SYT14: variants seen among roughly 807,000 people sequenced by gnomAD.
SYT14 encodes synaptotagmin 14.
A neutral mutation model predicts 74.2 loss-of-function variants in SYT14; 32 were observed. The observed-to-expected ratio is 0.43, with a 90% confidence interval of 0.33 to 0.58. SYT14 has a LOEUF of 0.58. Among genes scored for constraint, SYT14 ranks in the 20% least tolerant of loss-of-function variants. The probability of loss-of-function intolerance (pLI) is 0.05; values close to 1 mark genes in which losing one functional copy is unlikely to be tolerated. For missense variants in SYT14, 791 were observed against 981.8 expected (o/e 0.81, Z 2.60); for synonymous variants, 298 against 337.7 (o/e 0.88, Z 1.29).
At chr1:210,159,526 A>G (rs777871823) in intron 9 of SYT14, 49 bp downstream of exon 8, 1 of 1,506,292 alleles carries the variant, frequency 6.6e-7, no homozygotes, top group Non-Finnish European at 9.0e-7. Flanking sequence ...ATGCAAAACC[A>G]AAATACCCTA....
chr1:210,084,239 G>T (rs1463351072), intron 5 of SYT14, among the ~76,000 whole-genome samples: 1 of 152,122 alleles, frequency 6.6e-6, no homozygotes, highest in East Asian at 1.9e-4. Context: ...CTTATAAATG[G>T]ATAAGAGCTA....
chr1:210,024,088 A>G (rs1213184823), intron 5 of SYT14, among the ~76,000 whole-genome samples: 2 of 152,184 alleles, frequency 1.3e-5, no homozygotes, highest in African/African-American at 4.8e-5. Context: ...CTATACATAT[A>G]CATCTGAGGG....
chr1:210,059,451 T>TATATAGAGAG lies in SYT14; in HGVS notation c.1313-34870_1313-34869insTATAGAGAGA, dbSNP rs377050610. Among the ~76,000 whole-genome samples the TATATAGAGAG allele has an allele frequency of 4.5e-3, 312 of 69,882 alleles. 1 individual carries two copies. The highest frequency in any genetic ancestry group is 0.012 in the African/African-American group (152 of 12,734). The allele number at this position is 69,882 out of a possible 152,430, so 45.8% of individuals were successfully genotyped here. A position where few individuals can be genotyped will look rare whatever the true frequency, so the allele number is the denominator to read the frequency against. The stretch of plus-strand genomic sequence containing the variant: ...GAATATATATATATATATATATATA[T>TATATAGAGAG]AGAGAGAGAGAGAGAGAGAGAGAGA... On this transcript the variant is annotated intron_variant, in intron 5 of 9. Transcript: ENST00000637265.
At chr1:209,939,687 C>G (rs1172935436) in intron 1 of SYT14, among the ~76,000 whole-genome samples, 1 of 152,184 alleles carries the variant, frequency 6.6e-6, no homozygotes. Flanking sequence ...TTTATTTTCC[C>G]AACTAGTTTG....
intron 5 of SYT14, among the ~76,000 whole-genome samples, chr1:210,053,691 A>G (rs1000672905): frequency 6.6e-6 from 1 of 152,186 alleles, no homozygotes; most frequent in Non-Finnish European, 1.5e-5. Flanking sequence ...CTATAGTTTG[A>G]GTGCTTACAT....
chr1:210,012,505 A>G lies in SYT14; in HGVS notation c.-485-1128A>G, dbSNP rs2080104070. Reference sequence around the variant, plus strand: ...GTGGTATTGAATATTGCGGATTCTGAGGCAATGAGTATAACATTTGACTGG... The same window carrying G: ...GTGGTATTGAATATTGCGGATTCTGGGGCAATGAGTATAACATTTGACTGG... On this transcript the variant is annotated intron_variant, in intron 2 of 9. Coordinates refer to ENST00000637265, the Ensembl canonical transcript of SYT14. Among the ~76,000 whole-genome samples the G allele has an allele frequency of 2.6e-5, 4 of 152,186 alleles. No individual in the cohort carries two copies. The South Asian group carries it at 8.3e-4, about 32-fold the overall frequency.
intron 2 of SYT14, among the ~76,000 whole-genome samples, chr1:209,963,620 T>C (rs2079110380): frequency 6.6e-6 from 1 of 152,210 alleles, no homozygotes. Flanking sequence ...AAAAAATATC[T>C]ACAGAGGACA....
chr1:210,110,104 C>T lies in SYT14; in HGVS notation c.2034+9643C>T, dbSNP rs150952030. Among the ~76,000 whole-genome samples, 298 of 152,158 alleles carry T rather than the reference C, an allele frequency of 2.0e-3. 2 individuals are homozygous for T. The highest frequency in any genetic ancestry group is 6.4e-3 in the African/African-American group (267 of 41,506). The stretch of plus-strand genomic sequence containing the variant: ...GACACAGGGAGGGGAACATCACACA[C>T]CGAGGCCTGTCAGGGGATTGAGGGT... On this transcript the variant is annotated intron_variant, in intron 7 of 9. Transcript: ENST00000637265.
At chr1:210,115,753 G>T (rs1233108380) in intron 7 of SYT14, among the ~76,000 whole-genome samples, 3 of 151,222 alleles carry the variant, frequency 2.0e-5, no homozygotes, top group Admixed American at 1.3e-4. Flanking sequence ...AGGACCCGAG[G>T]TCGTAGGTGG....
intron 2 of SYT14, among the ~76,000 whole-genome samples, chr1:209,978,973 C>T (rs976017730): frequency 9.2e-5 from 14 of 152,160 alleles, no homozygotes; most frequent in Non-Finnish European, 1.3e-4. Flanking sequence ...TAGGAATCAG[C>T]GAGGCTCCGT....
chr1:210,083,088 C>G (rs2081647153), intron 5 of SYT14, among the ~76,000 whole-genome samples: 1 of 151,754 alleles, frequency 6.6e-6, no homozygotes, highest in Non-Finnish European at 1.5e-5. Context: ...TCAAGAAATC[C>G]TCCCACTTCA....
rs80204444 is a variant in SYT14 at position 210,124,499 on chromosome 1, G to A, written c.2034+24038G>A. On this transcript the variant is annotated intron_variant, in intron 7 of 9. Coordinates refer to ENST00000637265, the Ensembl canonical transcript of SYT14. ...CAATAAATGAAAAAATCCAGACCTAGACACATCATTGTGAAATTTTAGAAC... is the reference window on the plus strand; with the variant it reads ...CAATAAATGAAAAAATCCAGACCTAAACACATCATTGTGAAATTTTAGAAC... Among the ~76,000 whole-genome samples, 800 of 152,180 alleles carry A rather than the reference G, an allele frequency of 5.3e-3. 11 individuals carry two copies. Among genetic ancestry groups the A allele is most frequent in the African/African-American group, 0.019 (777 of 41,528 alleles).
chr1:210,153,937 T>C (rs2083218380), intron 7 of SYT14, among the ~76,000 whole-genome samples: 1 of 152,198 alleles, frequency 6.6e-6, no homozygotes, highest in African/African-American at 2.4e-5. Flanking sequence ...GAGAAAATCT[T>C]GTAATTTTTC....
intron 5 of SYT14, among the ~76,000 whole-genome samples, chr1:210,043,949 A>G (rs2080840788): frequency 6.6e-6 from 1 of 152,164 alleles, no homozygotes; most frequent in Non-Finnish European, 1.5e-5. Context: ...TTTCTGTAAT[A>G]TGGGCATGGA....
chr1:210,137,525 C>T (rs2082811520), intron 7 of SYT14, among the ~76,000 whole-genome samples: 1 of 151,784 alleles, frequency 6.6e-6, no homozygotes, highest in Non-Finnish European at 1.5e-5. Flanking sequence ...TTCTCCAGAA[C>T]AACTAGATAT....
At chr1:210,088,848 T>C (rs2081798827) in intron 5 of SYT14, among the ~76,000 whole-genome samples, 1 of 151,964 alleles carries the variant, frequency 6.6e-6, no homozygotes, top group Admixed American at 6.6e-5. Flanking sequence ...CAAGTAGTTG[T>C]GTAGATCATT....
chr1:210,031,187 T>C (rs535194510), intron 5 of SYT14, among the ~76,000 whole-genome samples: 5 of 151,348 alleles, frequency 3.3e-5, no homozygotes, highest in African/African-American at 1.2e-4. Flanking sequence ...TATCTGTTGA[T>C]AGTATCATAT....
chr1:210,004,680 AG>A (rs1476173946), intron 2 of SYT14, among the ~76,000 whole-genome samples: 5 of 152,088 alleles, frequency 3.3e-5, no homozygotes, highest in South Asian at 2.1e-4. Context: ...TCAATCTCTA[AG>A]GACAGGACTC....
chr1:210,048,900 G>A (rs1333666905), intron 5 of SYT14, among the ~76,000 whole-genome samples: 1 of 152,220 alleles, frequency 6.6e-6, no homozygotes, highest in Non-Finnish European at 1.5e-5. Context: ...CCAAATGGGA[G>A]AAATTCACCA....
Sources: allele counts gnomAD v4.1 joint callset (sites outside exome capture counted in the v4.1 genomes callset), GRCh38; gene constraint gnomAD v4.1.1; transcripts MANE v1.5; gene names NCBI Gene and HGNC (gene_info 2026-07-23, HGNC 2026-07-21).